Variants in CNTN6 observed in about 807,000 individuals in gnomAD.
The protein encoded by CNTN6 is contactin 6, also known as contactin-6.
A neutral mutation model predicts 122.8 loss-of-function variants in CNTN6; 137 were observed. The ratio of observed to expected loss-of-function variants is 1.12; its 90% CI spans 0.97 to 1.29. The LOEUF is 1.29. Ranked by LOEUF, CNTN6 falls within the 50% of genes most tolerant of loss-of-function variation. The pLI is 0.00. For synonymous variants in CNTN6, 570 were observed against 426.0 expected (o/e 1.34, Z -4.16); for missense variants, 1,634 against 1,223.4 (o/e 1.34, Z -5.01).
intron 11 of CNTN6, among the ~76,000 whole-genome samples, chr3:1,349,626 G>T (rs1705314053): frequency 6.6e-6 from 1 of 151,756 alleles, no homozygotes. Context: ...AATGCCAATT[G>T]CTCAGTGCCA....
chr3:1,373,933 T>C lies in CNTN6; in HGVS notation c.1955T>C (p.Ile652Thr). The C allele has an allele frequency of 6.2e-7, 1 of 1,608,900 alleles. No homozygotes were observed. The highest frequency in any genetic ancestry group is 8.5e-7 in the Non-Finnish European group (1 of 1,176,936). ...GTCTCATTCTTTTTAGTTCCAGAAATTCTCAATGGTAAGACATACAATGCA... is the reference window on the plus strand; with the variant it reads ...GTCTCATTCTTTTTAGTTCCAGAAACTCTCAATGGTAAGACATACAATGCA... ...GWQAVATVPE[I>T]LNGKTYNATV... Residue 652 changes from isoleucine to threonine, a missense_variant, in exon 16 of 23, where the codon ATT becomes ACT. Coordinates refer to ENST00000446702, the MANE Select transcript of CNTN6 (RefSeq NM_001289080.2).
intron 2 of CNTN6, among the ~76,000 whole-genome samples, chr3:1,158,799 TATACACACATATATATACACACAC>T (rs1175380553): frequency 1.5e-5 from 1 of 68,596 alleles, no homozygotes; most frequent in Non-Finnish European, 3.8e-5. Flanking sequence ...TGTGTATATA[TATACACACATATATATACACACAC>T]ATATATATAC....
At chr3:1,188,004 C>T (rs1347448144) in intron 2 of CNTN6, among the ~76,000 whole-genome samples, 1 of 152,170 alleles carries the variant, frequency 6.6e-6, no homozygotes, top group South Asian at 2.1e-4. Flanking sequence ...TTAAATTCTG[C>T]ACACCCGCTA....
At chr3:1,252,015 C>G (rs1324984099) in intron 4 of CNTN6, among the ~76,000 whole-genome samples, 1 of 152,124 alleles carries the variant, frequency 6.6e-6, no homozygotes, top group Non-Finnish European at 1.5e-5. Context: ...CAAAATAATT[C>G]CAATGAAACG....
At chr3:1,094,358 AAAG>A (rs1315776671) in intron 1 of CNTN6, among the ~76,000 whole-genome samples, 3 of 152,204 alleles carry the variant, frequency 2.0e-5, no homozygotes, top group Admixed American at 6.5e-5. Context: ...GTGTAAAAAA[AAAG>A]AAATACAGAA....
chr3:1,384,742 T>C (rs80352593), intron 19 of CNTN6, among the ~76,000 whole-genome samples: 23,553 of 122,450 alleles, frequency 0.19, 3,044 homozygotes, highest in African/African-American at 0.38. Context: ...TATATATACA[T>C]ATATACACAT....
chr3:1,359,014 C>T (rs1485023275), intron 12 of CNTN6, among the ~76,000 whole-genome samples: 1 of 152,038 alleles, frequency 6.6e-6, no homozygotes, highest in African/African-American at 2.4e-5. Flanking sequence ...GAGCTATGAT[C>T]ATGCCACTGT....
intron 1 of CNTN6, among the ~76,000 whole-genome samples, chr3:1,136,295 G>A (rs530861856): frequency 2.0e-4 from 30 of 152,188 alleles, no homozygotes; most frequent in Non-Finnish European, 3.5e-4. Context: ...CTATTGACAC[G>A]ATTAGGACTC....
At position 1,403,592 on chromosome 3, in the gene CNTN6, A is replaced by T; in HGVS notation, c.*174A>T. The T allele has an allele frequency of 4.8e-6, 2 of 414,028 alleles. No homozygotes were observed. Among genetic ancestry groups the T allele is most frequent in the Non-Finnish European group, 8.5e-6 (2 of 236,326 alleles). 25.6% of individuals were successfully genotyped at this position (414,028 alleles called of 1,614,324 possible). ...TGGTATATTAATAAAACAATTTTAA[A>T]CACTTTTGAATTTTAAAATCCGCAC... On this transcript the variant is annotated 3_prime_UTR_variant, in exon 23 of 23. Transcript: ENST00000446702.
chr3:1,197,281 T>C lies in CNTN6; in HGVS notation c.56-23406T>C, dbSNP rs148177805. 3.9e-4 allele frequency among the ~76,000 whole-genome samples: 60 copies of C among 152,340 alleles called. No individual in the cohort carries two copies. In the East Asian group the frequency reaches 0.011, roughly 28 times the overall value. ...ATCTTTGGCTGGTCATTGAGGATAC[T>C]GAAGCAGCTCCTGGTTAATTAGACC... On this transcript the variant is annotated intron_variant, in intron 2 of 22. Transcript: ENST00000446702.
At chr3:1,262,369 G>GTT (rs1463788429) in intron 4 of CNTN6, among the ~76,000 whole-genome samples, 2 of 152,146 alleles carry the variant, frequency 1.3e-5, no homozygotes, top group Non-Finnish European at 2.9e-5. Flanking sequence ...GCAAAGCAGA[G>GTT]TTAACAGAGA....
chr3:1,156,459 TAAAA>T (rs771401604), intron 2 of CNTN6, among the ~76,000 whole-genome samples: 2 of 152,152 alleles, frequency 1.3e-5, no homozygotes, highest in Non-Finnish European at 2.9e-5. Flanking sequence ...AAAGGGAAAA[TAAAA>T]ACTCAACTCA....
chr3:1,401,572 A>T, intron 21 of CNTN6, 27 bp downstream of exon 21: 1 of 1,483,630 alleles, frequency 6.7e-7, no homozygotes, highest in South Asian at 1.2e-5. Flanking sequence ...TCCTTTAATC[A>T]TATCAATTAA....
intron 4 of CNTN6, among the ~76,000 whole-genome samples, chr3:1,257,647 G>A (rs555193031): frequency 6.6e-6 from 1 of 152,136 alleles, no homozygotes; most frequent in Non-Finnish European, 1.5e-5. Flanking sequence ...TGCTGTGGAG[G>A]CAGTACAATA....
rs34258036 is a variant in CNTN6, at chr3:1,341,186, G to GT, written c.1365-11126dup. ...GTAACTTTGGGAGCATAGTTTGTTGGTTTTTTTTTTTTAATTTATTTCTTT... is the reference window on the plus strand; with the variant it reads ...GTAACTTTGGGAGCATAGTTTGTTGGTTTTTTTTTTTTTAATTTATTTCTTT... On this transcript the variant is annotated intron_variant, in intron 11 of 22. Coordinates refer to ENST00000446702, the MANE Select transcript of CNTN6 (RefSeq NM_001289080.2). 2.7e-3 allele frequency among the ~76,000 whole-genome samples: 387 copies of GT among 145,956 alleles called. 4 individuals carry two copies. The highest frequency in any genetic ancestry group is 7.8e-3 in the African/African-American group (309 of 39,824).
intron 1 of CNTN6, among the ~76,000 whole-genome samples, chr3:1,141,387 G>C (rs920014710): frequency 6.6e-6 from 1 of 152,276 alleles, no homozygotes; most frequent in Non-Finnish European, 1.5e-5. Flanking sequence ...AACGAAGCCC[G>C]TGAGGAGTCA....
intron 1 of CNTN6, among the ~76,000 whole-genome samples, chr3:1,132,097 G>C (rs1200185073): frequency 2.0e-5 from 3 of 152,054 alleles, no homozygotes; most frequent in Non-Finnish European, 4.4e-5. Context: ...TACATCCTCT[G>C]AAAAACTAGT....
intron 7 of CNTN6, chr3:1,298,411 A>T (rs1232547249): frequency 6.5e-6 from 1 of 153,818 alleles, no homozygotes; most frequent in African/African-American, 2.4e-5. Flanking sequence ...CTGATAAATA[A>T]AAAACCACTG....
chr3:1,132,679 A>AAATAAATAAATG, intron 1 of CNTN6, among the ~76,000 whole-genome samples: 1 of 151,708 alleles, frequency 6.6e-6, no homozygotes, highest in Admixed American at 6.6e-5. Flanking sequence ...ATAAATAAAT[A>AAATAAATAAATG]AATAAATAAA....
Sources: gnomAD v4.1 joint callset for allele counts (sites outside exome capture counted in the v4.1 genomes callset) on GRCh38, gnomAD v4.1.1 for gene constraint, MANE v1.5 for transcripts, NCBI Gene and HGNC (gene_info 2026-07-23, HGNC 2026-07-21) for gene names.